Variants in LRRTM4 observed in about 807,000 individuals in gnomAD.
The protein encoded by LRRTM4 is leucine rich repeat transmembrane neuronal 4.
A neutral mutation model predicts 47.6 loss-of-function variants in LRRTM4; 25 were observed. The observed-to-expected ratio is 0.53, with a 90% CI of 0.38 to 0.73. LRRTM4 has a LOEUF of 0.73. Among genes scored for constraint, LRRTM4 ranks in the 30% least tolerant of loss-of-function variants. The probability of loss-of-function intolerance (pLI) is 0.00; values close to 1 mark genes in which losing one functional copy is unlikely to be tolerated. For synonymous variants in LRRTM4, 311 were observed against 269.5 expected, an observed-to-expected ratio of 1.15 and a Z score of -1.51; for missense variants, 638 against 713.4, an observed-to-expected ratio of 0.89 and a Z score of 1.20.
chr2:77,282,503 G>T (rs535852710), intron 3 of LRRTM4, among the ~76,000 whole-genome samples: 1 of 151,280 alleles, frequency 6.6e-6, no homozygotes, highest in East Asian at 1.9e-4. Context: ...AATGGTAAAA[G>T]TGGGCATTCA....
chr2:77,194,998 C>A (rs934993503), intron 3 of LRRTM4, among the ~76,000 whole-genome samples: 1 of 151,658 alleles, frequency 6.6e-6, no homozygotes, highest in Non-Finnish European at 1.5e-5. Context: ...ATGGTGTTTT[C>A]TTTAAGATGC....
intron 3 of LRRTM4, among the ~76,000 whole-genome samples, chr2:77,423,946 T>C (rs955457897): frequency 2.0e-5 from 3 of 152,162 alleles, no homozygotes; most frequent in South Asian, 2.1e-4. Flanking sequence ...TAAAATGCTA[T>C]CTTGTTTTTC....
chr2:77,285,378 C>T (rs1254122856), intron 3 of LRRTM4, among the ~76,000 whole-genome samples: 2 of 33,498 alleles, frequency 6.0e-5, no homozygotes, highest in Non-Finnish European at 1.5e-4. Flanking sequence ...AATAGAAATG[C>T]TAAAAATTAT....
chr2:77,130,824 A>ATTTTTTTTTTTTTTTTT lies in LRRTM4; in HGVS notation c.1552-381925_1552-381909dup, dbSNP rs768577274. 2.2e-4 allele frequency among the ~76,000 whole-genome samples: 8 copies of ATTTTTTTTTTTTTTTTT among 35,622 alleles called. 1 individual carries two copies. Among genetic ancestry groups the ATTTTTTTTTTTTTTTTT allele is most frequent in the Admixed American group, 4.6e-4 (1 of 2,170 alleles). 23.4% of individuals were successfully genotyped at this position (35,622 alleles called of 152,430 possible). On this transcript the variant is annotated intron_variant, in intron 3 of 3. Coordinates refer to ENST00000409884, the MANE Select transcript of LRRTM4 (RefSeq NM_001134745.3). The stretch of plus-strand genomic sequence containing the variant: ...CCGTGCCCGGCCAATTATTTGTTCT[A>ATTTTTTTTTTTTTTTTT]TTTTTTTTTTTTTTTTTTTTTTTTT...
chr2:76,855,549 C>A (rs570936608), intron 3 of LRRTM4, among the ~76,000 whole-genome samples: 19 of 152,336 alleles, frequency 1.2e-4, no homozygotes, highest in African/African-American at 4.3e-4. Flanking sequence ...TTATCCCAAT[C>A]TCTTTCTTTG....
chr2:77,007,603 G>A (rs1004657476), intron 3 of LRRTM4, among the ~76,000 whole-genome samples: 1 of 152,120 alleles, frequency 6.6e-6, no homozygotes, highest in Admixed American at 6.6e-5. Context: ...TGGCAACATA[G>A]GTTTGTTACT....
intron 3 of LRRTM4, among the ~76,000 whole-genome samples, chr2:76,949,933 A>G (rs1341701237): frequency 2.6e-5 from 4 of 151,972 alleles, no homozygotes; most frequent in African/African-American, 9.7e-5. Context: ...GCCATGAGAA[A>G]AGCAAAATGC....
chr2:76,893,524 A>G (rs980270321), intron 3 of LRRTM4, among the ~76,000 whole-genome samples: 22 of 151,902 alleles, frequency 1.4e-4, no homozygotes, highest in African/African-American at 5.1e-4. Flanking sequence ...TAAAATACAG[A>G]TAGTTCTACC....
At chr2:76,805,603 G>C (rs909660598) in intron 3 of LRRTM4, among the ~76,000 whole-genome samples, 2 of 152,058 alleles carry the variant, frequency 1.3e-5, no homozygotes, top group African/African-American at 4.8e-5. Context: ...TTAATTGAGT[G>C]TTCATTTAAA....
intron 3 of LRRTM4, among the ~76,000 whole-genome samples, chr2:76,758,592 A>G (rs1396315741): frequency 6.6e-6 from 1 of 152,186 alleles, no homozygotes; most frequent in African/African-American, 2.4e-5. Context: ...CTGATTGAAT[A>G]TATTTTGGAA....
intron 3 of LRRTM4, among the ~76,000 whole-genome samples, chr2:76,996,126 C>T (rs10196801): frequency 0.5 from 76,396 of 151,568 alleles, 19,952 homozygotes; most frequent in African/African-American, 0.64. Context: ...CATGCAAAAG[C>T]ACCAATTAGA....
chr2:77,181,391 G>A (rs1441335463), intron 3 of LRRTM4, among the ~76,000 whole-genome samples: 1 of 152,118 alleles, frequency 6.6e-6, no homozygotes, highest in East Asian at 1.9e-4. Context: ...GCTACACAGA[G>A]CATTCCCATC....
At chr2:77,251,436 AT>A (rs1205242349) in intron 3 of LRRTM4, among the ~76,000 whole-genome samples, 1 of 151,872 alleles carries the variant, frequency 6.6e-6, no homozygotes, top group African/African-American at 2.4e-5. Flanking sequence ...TGGGAATGGA[AT>A]TGAGATGAAA....
intron 3 of LRRTM4, among the ~76,000 whole-genome samples, chr2:77,468,879 A>T (rs1573455688): frequency 6.6e-6 from 1 of 152,172 alleles, no homozygotes; most frequent in Admixed American, 6.5e-5. Context: ...ACCCTCAGTC[A>T]CTGACAGAAA....
chr2:77,030,285 T>A (rs1678608104), intron 3 of LRRTM4, among the ~76,000 whole-genome samples: 1 of 151,858 alleles, frequency 6.6e-6, no homozygotes, highest in Non-Finnish European at 1.5e-5. Flanking sequence ...ACAAAAAAAA[T>A]TAGCTGGGTG....
At chr2:77,000,395 G>A (rs1677374882) in intron 3 of LRRTM4, among the ~76,000 whole-genome samples, 1 of 152,134 alleles carries the variant, frequency 6.6e-6, no homozygotes, top group Non-Finnish European at 1.5e-5. Context: ...CAATAAATGA[G>A]AGCTTGGGAG....
intron 3 of LRRTM4, among the ~76,000 whole-genome samples, chr2:77,142,089 T>G (rs923658017): frequency 1.4e-4 from 21 of 152,150 alleles, no homozygotes; most frequent in Non-Finnish European, 2.9e-5. Context: ...TAATAAGTGT[T>G]CTCTTCACTA....
chr2:76,804,021 G>C (rs963738356), intron 3 of LRRTM4, among the ~76,000 whole-genome samples: 1 of 152,160 alleles, frequency 6.6e-6, no homozygotes, highest in Non-Finnish European at 1.5e-5. Flanking sequence ...AGCACTTTCT[G>C]TGTTACTCTG....
chr2:77,081,207 T>G (rs1348514686), intron 3 of LRRTM4, among the ~76,000 whole-genome samples: 1 of 150,330 alleles, frequency 6.7e-6, no homozygotes, highest in Non-Finnish European at 1.5e-5. Context: ...ATTGTTTCTG[T>G]TCCCTAAAGT....
Sources: gnomAD v4.1 joint callset for allele counts (sites outside exome capture counted in the v4.1 genomes callset) on GRCh38, gnomAD v4.1.1 for gene constraint, MANE v1.5 for transcripts, NCBI Gene and HGNC (gene_info 2026-07-23, HGNC 2026-07-21) for gene names.